QRSL1: variants seen among roughly 807,000 people sequenced by gnomAD.
The protein encoded by QRSL1 is glutamyl-tRNA(Gln) amidotransferase subunit A, mitochondrial.
QRSL1 carries 54 observed loss-of-function variants against 61.6 expected under a neutral mutation model. The observed-to-expected ratio is 0.88, with a 90% confidence interval of 0.70 to 1.10. QRSL1 has a LOEUF of 1.10. QRSL1 is among the 50% of genes least tolerant of loss of function. The pLI is 0.00. For missense variants in QRSL1, 505 were observed against 622.6 expected (o/e 0.81, Z 2.01); for synonymous variants, 228 against 225.7 (o/e 1.01, Z -0.09).
At position 106,656,263 on chromosome 6, in the gene QRSL1, G is replaced by A. The variant is rs182101852; in HGVS notation, c.1160+531G>A. Among the ~76,000 whole-genome samples, 304 of 152,322 alleles carry A rather than the reference G, an allele frequency of 2.0e-3. 2 individuals are homozygous for A. Among genetic ancestry groups the A allele is most frequent in the African/African-American group, 6.9e-3 (285 of 41,574 alleles). On this transcript the variant is annotated intron_variant, in intron 9 of 10. Transcript: ENST00000369046. ...AACGGACACCAAGGAATGAATGTAA[G>A]TAGGAAGCCATTAAGGATTTTAATC...
chr6:106,666,042 A>G lies in QRSL1; in HGVS notation c.*40A>G. ...TTAAAATGACTTTTAGGCTGGGTGC[A>G]GTGGCTCACACCTGTAATCCCAGCA... On this transcript the variant is annotated 3_prime_UTR_variant, in exon 11 of 11. Transcript: ENST00000369046. 6.5e-7 allele frequency: 1 copy of G among 1,538,732 alleles called. No individual in the cohort carries two copies. Among genetic ancestry groups the G allele is most frequent in the Non-Finnish European group, 9.0e-7 (1 of 1,115,870 alleles).
In QRSL1 at chr6:106,649,035, A is replaced by G; in HGVS notation, c.391A>G (p.Thr131Ala). Residue 131 changes from threonine (T) to alanine (A), a missense_variant, in exon 5 of 11, where the codon ACA (threonine) becomes GCA (alanine). Coordinates refer to ENST00000369046, the MANE Select transcript of QRSL1 (RefSeq NM_018292.5). ...LDEFAMGSGS[T>A]DGVFGPVKNP... ...TCACTTCGTCATCAGATCTGGGAGC[A>G]CAGATGGTGTATTTGGACCAGTTAA... 6.2e-7 allele frequency: 1 copy of G among 1,610,612 alleles called. No homozygotes were observed. The highest frequency in any genetic ancestry group is 8.5e-7 in the Non-Finnish European group (1 of 1,178,008).
Position 106,654,744 on chromosome 6 carries a change from G to A in QRSL1, c.864G>A (p.Pro288=), listed in dbSNP as rs751667243. The A allele has an allele frequency of 3.9e-5, 63 of 1,609,540 alleles. No individual in the cohort carries two copies. In the East Asian group the frequency reaches 6.7e-4, roughly 17 times the overall value. ...CIGIPKEYLV[P]ELSSEVQSLW... is the part of the protein sequence containing the mutation. ...TTTGCTATAAGGAATATCTTGTACC[G>A]GAATTATCAAGTGAAGTACAGTCTC... Residue 288 remains proline (P), a synonymous_variant, in exon 8 of 11, where the codon CCG becomes CCA. Transcript: ENST00000369046.
chr6:106,662,915 A>G (rs1022422655), intron 9 of QRSL1, 65 bp from the exon 10 acceptor site: 23 of 1,332,252 alleles, frequency 1.7e-5, no homozygotes, highest in Non-Finnish European at 2.2e-5. Context: ...AGCCTAATGT[A>G]AGATAATTGA....
chr6:106,633,218 C>T (rs1776865072), intron 1 of QRSL1, among the ~76,000 whole-genome samples: 1 of 152,088 alleles, frequency 6.6e-6, no homozygotes, highest in East Asian at 1.9e-4. Context: ...TGGTTATTTC[C>T]CCAGCTCTAA....
At chr6:106,636,819 T>C (rs1212229534) in intron 1 of QRSL1, among the ~76,000 whole-genome samples, 1 of 152,220 alleles carries the variant, frequency 6.6e-6, no homozygotes, top group African/African-American at 2.4e-5. Flanking sequence ...TTATATGTAT[T>C]TGCATTTTTC....
chr6:106,630,553 C>T (rs900209762), intron 1 of QRSL1, among the ~76,000 whole-genome samples: 3 of 152,160 alleles, frequency 2.0e-5, no homozygotes, highest in Admixed American at 6.6e-5. Flanking sequence ...TCCTGGTTCA[C>T]GTCACTCAAC....
intron 1 of QRSL1, among the ~76,000 whole-genome samples, chr6:106,635,052 G>C (rs1776899543): frequency 1.3e-5 from 2 of 151,826 alleles, no homozygotes; most frequent in Non-Finnish European, 2.9e-5. Flanking sequence ...ATATCCAAGT[G>C]AAGATATCAG....
At chr6:106,662,486 G>T (rs904577972) in intron 9 of QRSL1, among the ~76,000 whole-genome samples, 6 of 125,236 alleles carry the variant, frequency 4.8e-5, no homozygotes, top group Non-Finnish European at 1.1e-4. Context: ...GAATCCAGTG[G>T]TTCTTTTTTT....
In QRSL1 at chr6:106,665,980, CCT is replaced by C. The variant is rs776203974; in HGVS notation, c.1568_1569del (p.Ser523CysfsTer14). 3 of 1,613,638 alleles carry C rather than the reference CCT, an allele frequency of 1.9e-6. No homozygotes were observed. Among genetic ancestry groups the C allele is most frequent in the Non-Finnish European group, 2.5e-6 (3 of 1,179,712 alleles). On this transcript the variant is annotated frameshift_variant, in exon 11 of 11. Transcript: ENST00000369046. LOFTEE classifies it high-confidence loss of function. ...GCAGTCCTTGAAAATGAAAAGTTAG[CCT>C]CTGTCTCTCTAAAACAGTAAACATA...
intron 4 of QRSL1, among the ~76,000 whole-genome samples, chr6:106,647,263 C>T (rs1006809653): frequency 3.3e-5 from 5 of 151,980 alleles, no homozygotes; most frequent in East Asian, 3.9e-4. Context: ...TTTAAGAAGA[C>T]GTTTCATCAG....
chr6:106,658,160 G>T (rs895104070), intron 9 of QRSL1, among the ~76,000 whole-genome samples: 2 of 151,484 alleles, frequency 1.3e-5, no homozygotes, highest in African/African-American at 4.9e-5. Flanking sequence ...CTCTTAAAAA[G>T]ATCTAAAATG....
intron 1 of QRSL1, among the ~76,000 whole-genome samples, chr6:106,639,111 G>GTTTTTTTTTTTTTTTTTT (rs1562164982): frequency 1.6e-4 from 10 of 60,748 alleles, no homozygotes; most frequent in African/African-American, 6.7e-4. Context: ...TTATTTGTGT[G>GTTTTTTTTTTTTTTTTTT]TTTTGTTGTT....
rs1777468533 is a variant in QRSL1, at chr6:106,667,980, G to A, written c.*1978G>A. The A allele has an allele frequency of 6.6e-6, 1 of 151,884 alleles. No homozygotes were observed. 9.4% of individuals were successfully genotyped at this position (151,884 alleles called of 1,614,324 possible). On this transcript the variant is annotated 3_prime_UTR_variant, in exon 11 of 11. Coordinates refer to ENST00000369046, the MANE Select transcript of QRSL1 (RefSeq NM_018292.5). ...TTAAAAAAAAAGAGAGAGAGAGAGA[G>A]ATGGGCTCTCCCTGTGTTGCCCAGG...
At chr6:106,648,697 CTGTT>C (rs1329358662) in intron 4 of QRSL1, among the ~76,000 whole-genome samples, 6 of 152,178 alleles carry the variant, frequency 3.9e-5, no homozygotes, top group African/African-American at 1.4e-4. Flanking sequence ...AAGTTCTTAA[CTGTT>C]TGAATGTAAC....
At chr6:106,656,927 G>A (rs182669555) in intron 9 of QRSL1, among the ~76,000 whole-genome samples, 1 of 152,144 alleles carries the variant, frequency 6.6e-6, no homozygotes, top group African/African-American at 2.4e-5. Flanking sequence ...AAGTGCAGGT[G>A]TTACAGGCAT....
intron 4 of QRSL1, among the ~76,000 whole-genome samples, chr6:106,646,968 C>T (rs143303043): frequency 0.013 from 1,735 of 133,070 alleles, 42 homozygotes; most frequent in African/African-American, 0.046. Flanking sequence ...GCAGAGGTTG[C>T]AGTGAGCCGA....
chr6:106,650,299 A>G (rs1010337591), intron 5 of QRSL1, among the ~76,000 whole-genome samples: 1 of 152,206 alleles, frequency 6.6e-6, no homozygotes, highest in Admixed American at 6.5e-5. Context: ...AAGAAAATGT[A>G]TCTTTTAAAA....
At position 106,665,776 on chromosome 6, in the gene QRSL1, T is replaced by A. The variant is rs1421334664; in HGVS notation, c.1367-6T>A. ...AATCACCTACTGGGTTTCCTTCTTT[T>A]CCCAGGATTGCCAGCAGTGAGTATC... On this transcript the variant is annotated splice_region_variant and splice_polypyrimidine_tract_variant and intron_variant, in intron 10 of 10. Coordinates refer to ENST00000369046, the MANE Select transcript of QRSL1 (RefSeq NM_018292.5). 6.2e-7 allele frequency: 1 copy of A among 1,613,540 alleles called. No individual in the cohort carries two copies.
Sources: gnomAD v4.1 joint callset for allele counts (sites outside exome capture counted in the v4.1 genomes callset) on GRCh38, gnomAD v4.1.1 for gene constraint, MANE v1.5 for transcripts, NCBI Gene and HGNC (gene_info 2026-07-23, HGNC 2026-07-21) for gene names.